Variants in TRPM3 observed in about 807,000 individuals in gnomAD.
TRPM3 encodes long transient receptor potential channel 3.
A neutral mutation model predicts 181.2 loss-of-function variants in TRPM3; 77 were observed. That is an observed-to-expected ratio of 0.42 (90% CI 0.35 to 0.51). The LOEUF (loss-of-function observed/expected upper bound fraction) is 0.51. Ranked by LOEUF, TRPM3 falls within the 20% of genes least tolerant of loss-of-function variation. The pLI is 0.01. For synonymous variants in TRPM3, 745 were observed against 796.4 expected, an observed-to-expected ratio of 0.94 and a Z score of 1.09; for missense variants, 1,759 against 2,196.7, an observed-to-expected ratio of 0.80 and a Z score of 3.98.
chr9:71,367,372 G>T (rs1434872362), intron 1 of TRPM3, among the ~76,000 whole-genome samples: 1 of 152,136 alleles, frequency 6.6e-6, no homozygotes, highest in Non-Finnish European at 1.5e-5. Context: ...TTAATCTTCA[G>T]GAGAGCTCAA....
intron 1 of TRPM3, among the ~76,000 whole-genome samples, chr9:71,249,962 T>A (rs2082248081): frequency 6.6e-6 from 1 of 152,232 alleles, no homozygotes; most frequent in Non-Finnish European, 1.5e-5. Context: ...GTGAGAATCA[T>A]TTTAGACTGG....
intron 1 of TRPM3, among the ~76,000 whole-genome samples, chr9:71,074,257 G>A (rs1376843947): frequency 1.3e-5 from 2 of 152,154 alleles, no homozygotes; most frequent in Non-Finnish European, 2.9e-5. Flanking sequence ...GTTTCTCATA[G>A]TCTTTTACCC....
chr9:70,813,744 G>T (rs1383014601), intron 6 of TRPM3, among the ~76,000 whole-genome samples: 1 of 152,202 alleles, frequency 6.6e-6, no homozygotes, highest in African/African-American at 2.4e-5. Flanking sequence ...TGAGGCATGG[G>T]CTAAGAGGCA....
intron 8 of TRPM3, among the ~76,000 whole-genome samples, chr9:70,750,864 A>C (rs1564119202): frequency 1.3e-5 from 2 of 152,162 alleles, no homozygotes. Context: ...TCCAAGCGCA[A>C]GCTGTAAGTA....
At chr9:70,841,623 A>G (rs1589120750) in intron 5 of TRPM3, among the ~76,000 whole-genome samples, 1 of 54,266 alleles carries the variant, frequency 1.8e-5, no homozygotes, top group Admixed American at 2.3e-4. Flanking sequence ...TCTATATCCC[A>G]CTATATATAT....
At chr9:71,203,759 T>C (rs961140962) in intron 1 of TRPM3, among the ~76,000 whole-genome samples, 1 of 152,180 alleles carries the variant, frequency 6.6e-6, no homozygotes, top group Non-Finnish European at 1.5e-5. Flanking sequence ...ATGGGGAGCT[T>C]TATACAAGTA....
intron 1 of TRPM3, among the ~76,000 whole-genome samples, chr9:71,010,929 A>T (rs2097730534): frequency 1.6e-5 from 1 of 62,886 alleles, no homozygotes; most frequent in Non-Finnish European, 4.2e-5. Flanking sequence ...ACACACACAC[A>T]CATACACACA....
chr9:71,003,732 T>G (rs10868941), intron 1 of TRPM3, among the ~76,000 whole-genome samples: 9 of 151,936 alleles, frequency 5.9e-5, no homozygotes, highest in Admixed American at 2.0e-4. Flanking sequence ...GTCGGCAAGG[T>G]GGTGGAATGA....
At chr9:71,059,996 G>A (rs1257024712) in intron 1 of TRPM3, among the ~76,000 whole-genome samples, 1 of 152,094 alleles carries the variant, frequency 6.6e-6, no homozygotes, top group Non-Finnish European at 1.5e-5. Flanking sequence ...CTGAAGGAAA[G>A]AAGTCTGGGT....
chr9:71,307,733 T>A (rs932232011), intron 1 of TRPM3, among the ~76,000 whole-genome samples: 2 of 152,160 alleles, frequency 1.3e-5, no homozygotes, highest in Non-Finnish European at 1.5e-5. Context: ...ACTAGAAGTA[T>A]GTCTATTCAT....
chr9:71,229,938 T>C (rs563419554), intron 1 of TRPM3, among the ~76,000 whole-genome samples: 1 of 152,110 alleles, frequency 6.6e-6, no homozygotes, highest in South Asian at 2.1e-4. Context: ...GTTAGGTATA[T>C]ACACCGGAGA....
intron 7 of TRPM3, among the ~76,000 whole-genome samples, chr9:70,783,691 C>A (rs992858071): frequency 6.6e-6 from 1 of 152,144 alleles, no homozygotes; most frequent in African/African-American, 2.4e-5. Context: ...TGTTTGGAGG[C>A]CAAGCCTGGA....
At chr9:70,604,787 C>T (rs1264374243) in intron 19 of TRPM3, among the ~76,000 whole-genome samples, 1 of 151,760 alleles carries the variant, frequency 6.6e-6, no homozygotes, top group Non-Finnish European at 1.5e-5. Flanking sequence ...GCTGGGATAA[C>T]AGGCACGTGC....
intron 1 of TRPM3, among the ~76,000 whole-genome samples, chr9:70,892,604 T>A (rs936129784): frequency 1.5e-4 from 19 of 128,206 alleles, no homozygotes; most frequent in Non-Finnish European, 2.7e-4. Context: ...TTTACCCGTT[T>A]GACCTCAAAA....
At chr9:71,411,489 C>G (rs1465951254) in intron 1 of TRPM3, among the ~76,000 whole-genome samples, 1 of 152,194 alleles carries the variant, frequency 6.6e-6, no homozygotes, top group Non-Finnish European at 1.5e-5. Flanking sequence ...CTTGAGTGAA[C>G]TCCCGTTCAC....
intron 1 of TRPM3, among the ~76,000 whole-genome samples, chr9:70,888,363 GT>G (rs879417700): frequency 0.04 from 268 of 6,740 alleles, 3 homozygotes; most frequent in African/African-American, 0.03. Context: ...TTATTTTGGG[GT>G]GTGTGTGTGT....
At chr9:71,423,160 A>G (rs1281040184) in intron 1 of TRPM3, among the ~76,000 whole-genome samples, 1 of 152,122 alleles carries the variant, frequency 6.6e-6, no homozygotes, top group Non-Finnish European at 1.5e-5. Flanking sequence ...TGCTGTGAGC[A>G]AGTTGCTTTC....
At chr9:71,190,485 T>C (rs2077951430) in intron 1 of TRPM3, among the ~76,000 whole-genome samples, 1 of 151,918 alleles carries the variant, frequency 6.6e-6, no homozygotes, top group South Asian at 2.1e-4. Context: ...CCACATCCGA[T>C]AATCTTATTT....
intron 1 of TRPM3, among the ~76,000 whole-genome samples, chr9:71,079,453 T>C (rs1240102546): frequency 6.6e-6 from 1 of 152,108 alleles, no homozygotes; most frequent in East Asian, 1.9e-4. Flanking sequence ...TCTCTGGAGG[T>C]GTGTGATCTC....
Sources: gnomAD v4.1 joint callset for allele counts (sites outside exome capture counted in the v4.1 genomes callset) on GRCh38, gnomAD v4.1.1 for gene constraint, MANE v1.5 for transcripts, NCBI Gene and HGNC (gene_info 2026-07-23, HGNC 2026-07-21) for gene names.